HS6ST3: variants seen among roughly 807,000 people sequenced by gnomAD.
HS6ST3 encodes heparan sulfate 6-O-sulfotransferase 3.
In HS6ST3, 12 loss-of-function variants were observed where a neutral mutation model predicts 36.7. That is an observed-to-expected ratio of 0.33 (90% CI 0.21 to 0.53). The LOEUF is 0.53. HS6ST3 is among the 20% of genes least tolerant of loss of function. The pLI is 0.95. For missense variants in HS6ST3, 584 were observed against 640.9 expected, an observed-to-expected ratio of 0.91 and a Z score of 0.96; for synonymous variants, 240 against 257.5, an observed-to-expected ratio of 0.93 and a Z score of 0.65.
At chr13:96,431,169 G>T (rs187855494) in intron 1 of HS6ST3, among the ~76,000 whole-genome samples, 2 of 151,814 alleles carry the variant, frequency 1.3e-5, no homozygotes, top group Non-Finnish European at 2.9e-5. Context: ...GCTCCACTGC[G>T]CTCCAGCCTG....
chr13:96,225,349 A>G (rs189972821), intron 1 of HS6ST3, among the ~76,000 whole-genome samples: 52 of 152,366 alleles, frequency 3.4e-4, no homozygotes, highest in African/African-American at 1.2e-3. Flanking sequence ...AAGTCTTTTA[A>G]TGAACTACCA....
At chr13:96,193,128 G>C (rs2054296525) in intron 1 of HS6ST3, among the ~76,000 whole-genome samples, 2 of 152,176 alleles carry the variant, frequency 1.3e-5, no homozygotes, top group South Asian at 4.1e-4. Flanking sequence ...TCCAAAGAGA[G>C]ATGAGAGAAA....
chr13:96,139,715 A>G (rs1365948652), intron 1 of HS6ST3, among the ~76,000 whole-genome samples: 1 of 152,150 alleles, frequency 6.6e-6, no homozygotes, highest in East Asian at 1.9e-4. Flanking sequence ...AAACATAGCA[A>G]TGATTACAAA....
chr13:96,829,921 A>T (rs554665353), intron 1 of HS6ST3, among the ~76,000 whole-genome samples: 4 of 152,310 alleles, frequency 2.6e-5, no homozygotes, highest in African/African-American at 9.6e-5. Context: ...GGAATCAGAC[A>T]TCCTTTGATT....
intron 1 of HS6ST3, among the ~76,000 whole-genome samples, chr13:96,098,282 G>A (rs1314340346): frequency 1.3e-5 from 2 of 152,314 alleles, no homozygotes; most frequent in East Asian, 3.9e-4. Flanking sequence ...ATGTAGGATG[G>A]AAGGATGAGA....
intron 1 of HS6ST3, among the ~76,000 whole-genome samples, chr13:96,646,803 A>T (rs1193931280): frequency 6.6e-6 from 1 of 151,930 alleles, no homozygotes; most frequent in Non-Finnish European, 1.5e-5. Flanking sequence ...GTCTTTTGAA[A>T]GAGGTTCACT....
At chr13:96,618,272 AT>A (rs921550429) in intron 1 of HS6ST3, among the ~76,000 whole-genome samples, 25 of 151,582 alleles carry the variant, frequency 1.6e-4, no homozygotes, top group Non-Finnish European at 2.9e-4. Flanking sequence ...ATAATTTTAA[AT>A]TTTTTTTTGT....
At position 96,644,824 on chromosome 13, in the gene HS6ST3, CA is replaced by C. The variant is rs1015419491; in HGVS notation, c.708-187660del. On this transcript the variant is annotated intron_variant, in intron 1 of 1. Transcript: ENST00000376705. Reference sequence around the variant, plus strand: ...TATGGTAAATAGACAAACCATGCTTCAAAAAAGAAACCTCTGGAATTGGTTT... The same window carrying C: ...TATGGTAAATAGACAAACCATGCTTCAAAAAGAAACCTCTGGAATTGGTTT... Among the ~76,000 whole-genome samples the C allele has an allele frequency of 4.6e-5, 7 of 151,954 alleles. No homozygotes were observed. In the East Asian group the frequency reaches 1.4e-3, roughly 29 times the overall value.
intron 1 of HS6ST3, among the ~76,000 whole-genome samples, chr13:96,144,998 T>G (rs1475816127): frequency 6.6e-6 from 1 of 151,580 alleles, no homozygotes; most frequent in African/African-American, 2.4e-5. Flanking sequence ...TATGGCTACA[T>G]AGTATTCTGT....
At chr13:96,829,130 C>A (rs561342224) in intron 1 of HS6ST3, among the ~76,000 whole-genome samples, 1 of 152,208 alleles carries the variant, frequency 6.6e-6, no homozygotes, top group East Asian at 1.9e-4. Flanking sequence ...TCTCTCTTAA[C>A]CATTCCTTTG....
intron 1 of HS6ST3, among the ~76,000 whole-genome samples, chr13:96,537,257 GA>G (rs879522579): frequency 2.0e-5 from 3 of 152,182 alleles, no homozygotes; most frequent in Non-Finnish European, 4.4e-5. Flanking sequence ...CAGATCTTGT[GA>G]GACTTAACTA....
intron 1 of HS6ST3, among the ~76,000 whole-genome samples, chr13:96,793,849 A>G (rs2138522179): frequency 6.6e-6 from 1 of 152,188 alleles, no homozygotes; most frequent in South Asian, 2.1e-4. Context: ...AGAAGTCTAC[A>G]GAGCTTGGGA....
chr13:96,172,935 C>A (rs1399539014), intron 1 of HS6ST3, among the ~76,000 whole-genome samples: 1 of 152,220 alleles, frequency 6.6e-6, no homozygotes, highest in African/African-American at 2.4e-5. Flanking sequence ...ATCCTATCAG[C>A]AGTACTCTTC....
At chr13:96,299,718 C>T (rs2054872227) in intron 1 of HS6ST3, among the ~76,000 whole-genome samples, 1 of 152,094 alleles carries the variant, frequency 6.6e-6, no homozygotes, top group African/African-American at 2.4e-5. Flanking sequence ...GTGGTATACT[C>T]AAGTTTGCAC....
chr13:96,383,585 G>T (rs1594768064), intron 1 of HS6ST3, among the ~76,000 whole-genome samples: 1 of 152,276 alleles, frequency 6.6e-6, no homozygotes, highest in South Asian at 2.1e-4. Context: ...GGGACAGCAG[G>T]GTTTCTAGGT....
At chr13:96,679,259 C>T (rs550521167) in intron 1 of HS6ST3, among the ~76,000 whole-genome samples, 18 of 151,558 alleles carry the variant, frequency 1.2e-4, no homozygotes, top group South Asian at 8.4e-4. Flanking sequence ...ATGCTAACAT[C>T]GTAGTATCCT....
At chr13:96,329,143 C>A (rs2055050308) in intron 1 of HS6ST3, among the ~76,000 whole-genome samples, 1 of 149,074 alleles carries the variant, frequency 6.7e-6, no homozygotes, top group African/African-American at 2.5e-5. Context: ...CTCCCGGATT[C>A]ATTAATTTTT....
intron 1 of HS6ST3, among the ~76,000 whole-genome samples, chr13:96,502,873 G>A (rs2209860): frequency 1.3e-5 from 2 of 152,134 alleles, no homozygotes; most frequent in East Asian, 3.9e-4. Flanking sequence ...TAGTGTGGAA[G>A]AACAAACCAT....
chr13:96,640,077 A>G (rs1001335537), intron 1 of HS6ST3, among the ~76,000 whole-genome samples: 1 of 151,898 alleles, frequency 6.6e-6, no homozygotes, highest in African/African-American at 2.4e-5. Flanking sequence ...GTGGGGGGGT[A>G]TATACTCAGT....
Sources: allele counts gnomAD v4.1 joint callset (sites outside exome capture counted in the v4.1 genomes callset), GRCh38; gene constraint gnomAD v4.1.1; transcripts MANE v1.5; gene names NCBI Gene and HGNC (gene_info 2026-07-23, HGNC 2026-07-21).